DLGAP4: variants seen among roughly 807,000 people sequenced by gnomAD.
The protein encoded by DLGAP4 is disks large-associated protein 4.
In DLGAP4, 18 loss-of-function variants were observed where a neutral mutation model predicts 86.9. That is an observed-to-expected ratio of 0.21 (90% confidence interval 0.14 to 0.31). DLGAP4 has a LOEUF of 0.31. DLGAP4 is among the 10% of genes least tolerant of loss of function. DLGAP4 has a pLI of 1.00. For missense variants in DLGAP4, 1,085 were observed against 1,362.6 expected (o/e 0.80, Z 3.21); for synonymous variants, 548 against 574.3 (o/e 0.95, Z 0.65).
chr20:36,431,594 C>G lies in DLGAP4; in HGVS notation c.-72-52C>G. On this transcript the variant is annotated intron_variant, in intron 2 of 12. Transcript: ENST00000339266. This position sits in a 1 kb window ranked among gnomAD's most constrained non-coding sequence, Gnocchi z 5.1. ...TCTGGATCTGACCTTCCCGGCACCC[C>G]TCCCCGACAATCCAGCTGACCAGCT... The G allele has an allele frequency of 8.7e-7, 1 of 1,149,272 alleles. No homozygotes were observed. The highest frequency in any genetic ancestry group is 1.2e-6 in the Non-Finnish European group (1 of 833,298). 71.2% of individuals were successfully genotyped at this position (1,149,272 alleles called of 1,614,324 possible).
chr20:36,511,429 C>T (rs1353883838), intron 10 of DLGAP4, among the ~76,000 whole-genome samples: 1 of 152,040 alleles, frequency 6.6e-6, no homozygotes, highest in East Asian at 1.9e-4. Flanking sequence ...GTCTTGAACT[C>T]CTGGGCTCAA....
intron 2 of DLGAP4, among the ~76,000 whole-genome samples, chr20:36,426,673 C>T (rs550075722): frequency 6.6e-6 from 1 of 152,186 alleles, no homozygotes; most frequent in African/African-American, 2.4e-5. Flanking sequence ...TGTGAGTGTC[C>T]ATAATGCCCC....
chr20:36,488,798 C>T (rs181257396), intron 7 of DLGAP4, among the ~76,000 whole-genome samples: 178 of 152,244 alleles, frequency 1.2e-3, no homozygotes, highest in Non-Finnish European at 1.9e-3. Flanking sequence ...GGCTGGTCTC[C>T]TGACCTCAAG....
chr20:36,469,914 G>A (rs1457164525), intron 7 of DLGAP4, among the ~76,000 whole-genome samples: 1 of 152,108 alleles, frequency 6.6e-6, no homozygotes, highest in Non-Finnish European at 1.5e-5. Flanking sequence ...ATTTTCTGCA[G>A]CCTCCAAATA....
intron 10 of DLGAP4, among the ~76,000 whole-genome samples, chr20:36,505,931 G>A (rs1048641411): frequency 6.6e-6 from 1 of 152,176 alleles, no homozygotes; most frequent in Non-Finnish European, 1.5e-5. Flanking sequence ...TGTCTCAGGG[G>A]TGGCAGATGG....
At chr20:36,315,074 G>GAT (rs2065086249) in intron 1 of DLGAP4, among the ~76,000 whole-genome samples, 1 of 96,136 alleles carries the variant, frequency 1.0e-5, no homozygotes, top group African/African-American at 4.1e-5. Flanking sequence ...GGTGTGATGT[G>GAT]TGTGTTATGT....
At chr20:36,440,269 G>A (rs540808287) in intron 5 of DLGAP4, among the ~76,000 whole-genome samples, 9 of 152,284 alleles carry the variant, frequency 5.9e-5, no homozygotes, top group Middle Eastern at 3.4e-3. Flanking sequence ...CCAGAGGAGG[G>A]TGAGCATTTC....
rs191470340 is a variant in DLGAP4 at position 36,340,972 on chromosome 20, A to T, written c.-303-26073A>T. On this transcript the variant is annotated intron_variant, in intron 1 of 12. Coordinates refer to ENST00000339266, the MANE Select transcript of DLGAP4 (RefSeq NM_001365621.2). ...GGCCTGGTCTCCCTGAGCACCTCCC[A>T]CCCCTCCCCATGCTCCTCCTGGAAC... 3.3e-5 allele frequency among the ~76,000 whole-genome samples: 5 copies of T among 151,972 alleles called. No individual in the cohort carries two copies. The East Asian group carries it at 9.7e-4, about 29-fold the overall frequency.
chr20:36,482,738 C>T (rs1056002166), intron 7 of DLGAP4, among the ~76,000 whole-genome samples: 2 of 152,164 alleles, frequency 1.3e-5, no homozygotes, highest in African/African-American at 4.8e-5. Flanking sequence ...GTGGCATGAT[C>T]TTGGTTCACT....
intron 7 of DLGAP4, among the ~76,000 whole-genome samples, chr20:36,480,374 T>TTTTG (rs1212823463): frequency 6.6e-6 from 1 of 152,180 alleles, no homozygotes; most frequent in Non-Finnish European, 1.5e-5. Flanking sequence ...AACATTCTCA[T>TTTTG]TTTGTATTTC....
intron 2 of DLGAP4, among the ~76,000 whole-genome samples, chr20:36,377,912 T>C (rs1217274364): frequency 1.3e-5 from 2 of 152,228 alleles, no homozygotes; most frequent in African/African-American, 4.8e-5. Flanking sequence ...GGGAAAATCT[T>C]CAGCCTTACT....
At chr20:36,366,598 A>G (rs2030695932) in intron 1 of DLGAP4, among the ~76,000 whole-genome samples, 1 of 152,192 alleles carries the variant, frequency 6.6e-6, no homozygotes, top group African/African-American at 2.4e-5. Context: ...CTGGTGGGGA[A>G]ACTGAGGCTC....
chr20:36,394,238 C>T (rs2031873316), intron 2 of DLGAP4, among the ~76,000 whole-genome samples: 1 of 152,204 alleles, frequency 6.6e-6, no homozygotes, highest in Non-Finnish European at 1.5e-5. Context: ...CTGCTGTCAC[C>T]GTTATCCGCC....
intron 4 of DLGAP4, 72 bp from the exon 5 acceptor site, chr20:36,439,682 A>T: frequency 7.6e-7 from 1 of 1,319,564 alleles, no homozygotes. Context: ...TGCATCACAG[A>T]TGGTCAAGGC....
chr20:36,505,839 C>T (rs2036340698), intron 10 of DLGAP4, among the ~76,000 whole-genome samples: 1 of 151,922 alleles, frequency 6.6e-6, no homozygotes, highest in Non-Finnish European at 1.5e-5. Flanking sequence ...AGAAGTGGAT[C>T]GTCATAAAGG....
intron 1 of DLGAP4, among the ~76,000 whole-genome samples, chr20:36,313,127 C>T (rs1162294603): frequency 6.6e-6 from 1 of 152,156 alleles, no homozygotes; most frequent in Non-Finnish European, 1.5e-5. Flanking sequence ...TCTCCACTGC[C>T]CTCTATCTTC....
intron 7 of DLGAP4, among the ~76,000 whole-genome samples, chr20:36,451,160 T>C (rs1371663993): frequency 6.6e-6 from 1 of 152,216 alleles, no homozygotes; most frequent in Non-Finnish European, 1.5e-5. Context: ...TGCACCTACC[T>C]CAAACATTTG....
intron 1 of DLGAP4, among the ~76,000 whole-genome samples, chr20:36,329,300 T>C (rs2065245489): frequency 6.6e-6 from 1 of 152,200 alleles, no homozygotes; most frequent in South Asian, 2.1e-4. Context: ...CAAACAGTCA[T>C]GAGTTTGAAC....
chr20:36,500,120 G>A lies in DLGAP4; in HGVS notation c.2100-79G>A, dbSNP rs186368763. On this transcript the variant is annotated intron_variant, in intron 9 of 12. Coordinates refer to ENST00000339266, the MANE Select transcript of DLGAP4 (RefSeq NM_001365621.2). The surrounding 1 kb of genome is among the most constrained non-coding windows in gnomAD (Gnocchi z 4.6). ...GTTTCTCTGTCTCCCGTGTGTCCGGGTCAAGGCGGCCTCTGGTCTCTGGCC... is the reference window on the plus strand; with the variant it reads ...GTTTCTCTGTCTCCCGTGTGTCCGGATCAAGGCGGCCTCTGGTCTCTGGCC... The A allele has an allele frequency of 8.7e-3, 12,664 of 1,457,508 alleles. 70 individuals are homozygous for A. The highest frequency in any genetic ancestry group is 0.011 in the Non-Finnish European group (11,775 of 1,085,244). 90.3% of individuals were successfully genotyped at this position (1,457,508 alleles called of 1,614,324 possible). A position where few individuals can be genotyped will look rare whatever the true frequency, so the allele number is the denominator to read the frequency against.
Sources: allele counts gnomAD v4.1 joint callset (sites outside exome capture counted in the v4.1 genomes callset), GRCh38; gene constraint gnomAD v4.1.1; non-coding constraint Gnocchi (gnomAD v3.1); transcripts MANE v1.5; gene names NCBI Gene and HGNC (gene_info 2026-07-23, HGNC 2026-07-21).